The following USP3 variants were observed in gnomAD, a reference collection of about 807,000 sequenced individuals.
USP3 encodes ubiquitin specific peptidase 3.
Under a neutral mutation model 72.3 loss-of-function variants are expected in USP3, and 20 were observed. The observed-to-expected ratio is 0.28, with a 90% CI of 0.19 to 0.40. The LOEUF is 0.40. Ranked by LOEUF, USP3 falls within the 10% of genes least tolerant of loss-of-function variation. USP3 has a pLI of 1.00. For missense variants in USP3, 479 were observed against 633.9 expected, an observed-to-expected ratio of 0.76 and a Z score of 2.62; for synonymous variants, 222 against 225.3, an observed-to-expected ratio of 0.99 and a Z score of 0.13.
In USP3 at chr15:63,544,104, A is replaced by G. The variant is rs1322443501; in HGVS notation, c.284+6948A>G. 2 of 151,008 alleles carry G rather than the reference A, an allele frequency of 1.3e-5. No individual in the cohort carries two copies. The highest frequency in any genetic ancestry group is 4.8e-5 in the African/African-American group (2 of 41,282). The allele number at this position is 151,008 out of a possible 1,614,324, so 9.4% of individuals were successfully genotyped here. ...GTATGAAGATATTGTGAATAGCAAG[A>G]CATTTAATATAGTTTATTTCATCTC... On this transcript the variant is annotated intron_variant, in intron 3 of 14. Transcript: ENST00000380324. This position sits in a 1 kb window ranked among gnomAD's most constrained non-coding sequence, Gnocchi z 4.2.
intron 5 of USP3, 106 bp from the exon 6 acceptor site, chr15:63,558,000 A>G: frequency 9.1e-7 from 1 of 1,098,622 alleles, no homozygotes; most frequent in East Asian, 2.4e-5. Context: ...GACCAATTCC[A>G]AATTGGCTTG....
intron 3 of USP3, among the ~76,000 whole-genome samples, chr15:63,537,635 T>C (rs1031392447): frequency 2.0e-5 from 3 of 152,216 alleles, no homozygotes; most frequent in Non-Finnish European, 4.4e-5. Context: ...ACGCTCCTCT[T>C]CTACTCCCCC....
At chr15:63,532,626 G>T in intron 1 of USP3, 21 bp from the exon 2 acceptor site, 1 of 1,613,552 alleles carries the variant, frequency 6.2e-7, no homozygotes, top group Non-Finnish European at 8.5e-7. Flanking sequence ...TTGGTATATT[G>T]TGTATTTTTC....
intron 1 of USP3, among the ~76,000 whole-genome samples, chr15:63,507,278 A>G (rs2065725813): frequency 6.6e-6 from 1 of 152,208 alleles, no homozygotes; most frequent in African/African-American, 2.4e-5. Flanking sequence ...ATACCACGGT[A>G]AGACAGCCAA....
chr15:63,582,231 G>A (rs1485170619), intron 11 of USP3, among the ~76,000 whole-genome samples: 1 of 152,164 alleles, frequency 6.6e-6, no homozygotes, highest in South Asian at 2.1e-4. Flanking sequence ...TAGGTTTCTG[G>A]GGATGCTCAG....
In USP3 at chr15:63,574,660, C is replaced by T. The variant is rs2066833688; in HGVS notation, c.1096+257C>T. 6.6e-6 allele frequency among the ~76,000 whole-genome samples: 1 copy of T among 152,184 alleles called. No homozygotes were observed. Among genetic ancestry groups the T allele is most frequent in the Non-Finnish European group, 1.5e-5 (1 of 68,008 alleles). On this transcript the variant is annotated intron_variant, in intron 11 of 14. Coordinates refer to ENST00000380324, the MANE Select transcript of USP3 (RefSeq NM_006537.4). The surrounding 1 kb of genome is among the most constrained non-coding windows in gnomAD (Gnocchi z 4.6). ...AAATACTGACTTTAAAATAGAAGGT[C>T]TGTAGCAAAAGTTTTTCTGACCAAA...
chr15:63,561,285 T>G (rs574203421), intron 7 of USP3, among the ~76,000 whole-genome samples: 18 of 152,108 alleles, frequency 1.2e-4, no homozygotes, highest in Non-Finnish European at 2.6e-4. Context: ...CAGGGTTGAG[T>G]TGCAGGCTGT....
chr15:63,575,196 T>A (rs186244528), intron 11 of USP3, among the ~76,000 whole-genome samples: 103 of 149,530 alleles, frequency 6.9e-4, no homozygotes, highest in African/African-American at 2.3e-3. Context: ...CAAACTGCAC[T>A]GTCCAATATG....
chr15:63,541,403 G>T (rs1050794174), intron 3 of USP3, among the ~76,000 whole-genome samples: 5 of 152,092 alleles, frequency 3.3e-5, no homozygotes, highest in African/African-American at 1.2e-4. Flanking sequence ...ATATTTTGTT[G>T]ATGTTCTTAT....
chr15:63,524,868 G>A (rs553924308), intron 1 of USP3, among the ~76,000 whole-genome samples: 2 of 152,294 alleles, frequency 1.3e-5, no homozygotes, highest in East Asian at 1.9e-4. Context: ...TATTCAGTGC[G>A]TTGGGGCAGT....
intron 3 of USP3, among the ~76,000 whole-genome samples, chr15:63,546,758 C>G (rs2066334512): frequency 6.6e-6 from 1 of 152,112 alleles, no homozygotes; most frequent in Non-Finnish European, 1.5e-5. Context: ...CGCCACCATG[C>G]CCGGCTAATT....
intron 1 of USP3, among the ~76,000 whole-genome samples, chr15:63,517,387 G>T (rs2065865135): frequency 6.6e-6 from 1 of 151,980 alleles, no homozygotes; most frequent in Non-Finnish European, 1.5e-5. Context: ...TTGAAGTTTT[G>T]CTGTGCTCCC....
chr15:63,506,862 G>C (rs185961489), intron 1 of USP3, among the ~76,000 whole-genome samples: 1 of 152,130 alleles, frequency 6.6e-6, no homozygotes, highest in Non-Finnish European at 1.5e-5. Context: ...AGCGAGTTTC[G>C]CAACTTTGTG....
intron 11 of USP3, among the ~76,000 whole-genome samples, chr15:63,583,846 T>G (rs1331471733): frequency 6.6e-6 from 1 of 152,220 alleles, no homozygotes; most frequent in East Asian, 1.9e-4. Context: ...ATGTATAGAC[T>G]ACATTCTGTT....
chr15:63,562,749 A>G (rs1262499553), intron 7 of USP3, 146 bp from the exon 8 acceptor site: 7 of 544,482 alleles, frequency 1.3e-5, no homozygotes, highest in Non-Finnish European at 1.9e-5. Flanking sequence ...AGATGCTCTT[A>G]TGTATCTTTC....
At chr15:63,560,428 A>C (rs2066589656) in intron 7 of USP3, among the ~76,000 whole-genome samples, 1 of 151,948 alleles carries the variant, frequency 6.6e-6, no homozygotes, top group Admixed American at 6.6e-5. Context: ...AAAAAAAAAA[A>C]AAAATTGTTG....
chr15:63,544,663 G>T lies in USP3; in HGVS notation c.284+7507G>T. The T allele has an allele frequency of 1.4e-6, 1 of 700,536 alleles. No individual in the cohort carries two copies. The highest frequency in any genetic ancestry group is 1.5e-5 in the South Asian group (1 of 67,348). 43.4% of individuals were successfully genotyped at this position (700,536 alleles called of 1,614,324 possible). On this transcript the variant is annotated intron_variant, in intron 3 of 14. Transcript: ENST00000380324. This position sits in a 1 kb window ranked among gnomAD's most constrained non-coding sequence, Gnocchi z 4.2. ...GGGGGAAGAATGTAAAGATGGAGAT[G>T]ACCGAATGAGGAATATTGTTTTGCC...
intron 1 of USP3, among the ~76,000 whole-genome samples, chr15:63,522,244 C>T (rs186901432): frequency 1.3e-5 from 2 of 152,334 alleles, no homozygotes; most frequent in Admixed American, 1.3e-4. Context: ...AGGGAGACGT[C>T]CTCCTGCATT....
intron 1 of USP3, among the ~76,000 whole-genome samples, chr15:63,514,211 T>A (rs1157585072): frequency 6.6e-6 from 1 of 152,178 alleles, no homozygotes; most frequent in Non-Finnish European, 1.5e-5. Context: ...TAGTTTTTTT[T>A]AGAGCCTCAT....
Sources: allele counts gnomAD v4.1 joint callset (sites outside exome capture counted in the v4.1 genomes callset), GRCh38; gene constraint gnomAD v4.1.1; non-coding constraint Gnocchi (gnomAD v3.1); transcripts MANE v1.5; gene names NCBI Gene and HGNC (gene_info 2026-07-23, HGNC 2026-07-21).